SPTBN4: variants seen among roughly 807,000 people sequenced by gnomAD.
The protein encoded by SPTBN4 is spectrin beta chain, non-erythrocytic 4.
SPTBN4 carries 96 observed loss-of-function variants against 277.8 expected under a neutral mutation model. The ratio of observed to expected loss-of-function variants is 0.35; its 90% confidence interval spans 0.29 to 0.41. The LOEUF is 0.41. Among genes scored for constraint, SPTBN4 ranks in the 10% least tolerant of loss-of-function variants. The pLI is 1.00. For synonymous variants in SPTBN4, 1,481 were observed against 1,580.3 expected, an observed-to-expected ratio of 0.94 and a Z score of 1.49; for missense variants, 3,006 against 3,595.7, an observed-to-expected ratio of 0.84 and a Z score of 4.19.
chr19:40,560,566 A>T lies in SPTBN4; in HGVS notation c.5915+163A>T. The stretch of plus-strand genomic sequence containing the variant: ...TTCTAGGTGCTTCGTGTGTATTCAG[A>T]CCCCTTTTTTAGGCCTGTCATTGGG... On this transcript the variant is annotated intron_variant, in intron 27 of 35. Coordinates refer to ENST00000598249, the MANE Select transcript of SPTBN4 (RefSeq NM_020971.3). The surrounding 1 kb of genome is among the most constrained non-coding windows in gnomAD (Gnocchi z 5.2). The T allele has an allele frequency of 6.7e-7, 1 of 1,498,636 alleles. No individual in the cohort carries two copies. The highest frequency in any genetic ancestry group is 8.9e-7 in the Non-Finnish European group (1 of 1,128,132). 92.8% of individuals were successfully genotyped at this position (1,498,636 alleles called of 1,614,324 possible).
intron 20 of SPTBN4, among the ~76,000 whole-genome samples, chr19:40,537,530 G>T (rs2080752220): frequency 1.3e-5 from 2 of 152,220 alleles, no homozygotes; most frequent in Non-Finnish European, 2.9e-5. Context: ...TCCCCCAGGG[G>T]TTCCTTGGCC....
rs753128824 is a variant in SPTBN4, at chr19:40,513,567, A to G, written c.2765+13A>G. On this transcript the variant is annotated intron_variant, in intron 14 of 35. Coordinates refer to ENST00000598249, the MANE Select transcript of SPTBN4 (RefSeq NM_020971.3). ...TGGTGCAGCACCGGTGAGCGCGCAC[A>G]TGTGGGACTCCGGGGTCCCCTTCCT... is the stretch of plus-strand genomic sequence containing the variant. 6.5e-7 allele frequency: 1 copy of G among 1,537,558 alleles called. No homozygotes were observed. The highest frequency in any genetic ancestry group is 1.2e-5 in the South Asian group (1 of 84,848).
At chr19:40,557,763 C>T (rs1270994536) in intron 26 of SPTBN4, among the ~76,000 whole-genome samples, 4 of 151,810 alleles carry the variant, frequency 2.6e-5, no homozygotes, top group South Asian at 2.1e-4. Context: ...ACTAAAAATA[C>T]GAAAATTAGC....
rs2080329546 is a variant in SPTBN4, at chr19:40,506,305, C to A, written c.1735C>A (p.Leu579Met). The change falls in exon 13 of 36, where the codon CTG (leucine) becomes ATG (methionine). Residue 579 changes from leucine to methionine, a missense_variant. Transcript: ENST00000598249. ...EADDLLQKHG[L>M]LEGDIAAQSE... is the part of the protein sequence containing the mutation. ...AGACGACCTGTTGCAGAAGCATGGA[C>A]TGCTGGAGGGAGACATTGCCGCCCA... 6 of 1,614,072 alleles carry A rather than the reference C, an allele frequency of 3.7e-6. No individual in the cohort carries two copies. The East Asian group carries it at 1.3e-4, about 36-fold the overall frequency.
chr19:40,548,344 A>G (rs2080880208), intron 20 of SPTBN4, among the ~76,000 whole-genome samples: 1 of 152,108 alleles, frequency 6.6e-6, no homozygotes, highest in Admixed American at 6.6e-5. Context: ...AAAAAAAATT[A>G]GCAAGGCATG....
chr19:40,484,620 C>A (rs1159685709), intron 2 of SPTBN4, among the ~76,000 whole-genome samples: 1 of 152,020 alleles, frequency 6.6e-6, no homozygotes, highest in African/African-American at 2.4e-5. Context: ...CAGCAATTTT[C>A]TTTTTCTTTT....
chr19:40,543,739 CAT>C (rs2080825433), intron 20 of SPTBN4, among the ~76,000 whole-genome samples: 1 of 152,088 alleles, frequency 6.6e-6, no homozygotes, highest in Admixed American at 6.6e-5. Context: ...TTCAGTAAAA[CAT>C]AAAGTCTCAC....
Position 40,567,975 on chromosome 19 carries a change from AC to A in SPTBN4, c.6654del (p.Ala2219ArgfsTer225). ...GGCCGCACCAGAGGACGCGGCGGAG[AC>A]CCCCGCGACCCCCGCGGCGGCGGAG... ...LPAAPEDAAE[T>X]PATPAAAEQV... On this transcript the variant is annotated frameshift_variant, in exon 31 of 36. Coordinates refer to ENST00000598249, the MANE Select transcript of SPTBN4 (RefSeq NM_020971.3). LOFTEE classifies it high-confidence loss of function. 1 of 1,492,914 alleles carries A rather than the reference AC, an allele frequency of 6.7e-7. No homozygotes were observed. The highest frequency in any genetic ancestry group is 8.9e-7 in the Non-Finnish European group (1 of 1,127,928). The allele number at this position is 1,492,914 out of a possible 1,614,324, so 92.5% of individuals were successfully genotyped here. A position where few individuals can be genotyped will look rare whatever the true frequency, so the allele number is the denominator to read the frequency against.
In SPTBN4 at chr19:40,520,107, T is replaced by C; in HGVS notation, c.3610T>C (p.Phe1204Leu). The change falls in exon 16 of 36, where the codon TTC becomes CTC. Residue 1204 changes from phenylalanine (F) to leucine (L), a missense_variant. Transcript: ENST00000598249. ...ALVQAHIYQL[F>L]LRDLRQALVV... is the part of the protein sequence containing the mutation. Reference sequence around the variant, plus strand: ...GGTCCAGGCGCACATCTACCAGCTCTTCCTGCGGGATCTACGCCAGGCGCT... The same window carrying C: ...GGTCCAGGCGCACATCTACCAGCTCCTCCTGCGGGATCTACGCCAGGCGCT... 2 of 1,471,458 alleles carry C rather than the reference T, an allele frequency of 1.4e-6. No homozygotes were observed. The highest frequency in any genetic ancestry group is 1.8e-6 in the Non-Finnish European group (2 of 1,113,278). The allele number at this position is 1,471,458 out of a possible 1,614,324, so 91.2% of individuals were successfully genotyped here.
At chr19:40,526,985 G>T (rs968206829) in intron 17 of SPTBN4, among the ~76,000 whole-genome samples, 2 of 152,176 alleles carry the variant, frequency 1.3e-5, no homozygotes, top group Non-Finnish European at 2.9e-5. Context: ...TGGAAAGATT[G>T]ATTTCAGCTC....
intron 20 of SPTBN4, chr19:40,534,833 C>T (rs1665011023): frequency 5.9e-6 from 1 of 169,854 alleles, no homozygotes; most frequent in South Asian, 1.4e-4. Flanking sequence ...GCACCTGGCC[C>T]AAGGACACAC....
At chr19:40,472,940 A>G in intron 2 of SPTBN4, 150 bp downstream of exon 2, 1 of 778,244 alleles carries the variant, frequency 1.3e-6, no homozygotes, top group South Asian at 2.7e-5. Context: ...TCCATAATGT[A>G]CCATATAATA....
At chr19:40,497,142 C>G (rs768190225) in intron 6 of SPTBN4, among the ~76,000 whole-genome samples, 3 of 151,820 alleles carry the variant, frequency 2.0e-5, no homozygotes, top group Non-Finnish European at 4.4e-5. Context: ...TGTACACACT[C>G]GTATTGTCAT....
At position 40,491,713 on chromosome 19, in the gene SPTBN4, C is replaced by CAAAAAAAAAAAAA. The variant is rs35237688; in HGVS notation, c.496-1237_496-1225dup. Among the ~76,000 whole-genome samples, 70 of 38,798 alleles carry CAAAAAAAAAAAAA rather than the reference C, an allele frequency of 1.8e-3. 11 individuals are homozygous for CAAAAAAAAAAAAA. Among genetic ancestry groups the CAAAAAAAAAAAAA allele is most frequent in the African/African-American group, 7.7e-3 (59 of 7,630 alleles). The allele number at this position is 38,798 out of a possible 152,430, so 25.5% of individuals were successfully genotyped here. On this transcript the variant is annotated intron_variant, in intron 4 of 35. Coordinates refer to ENST00000598249, the MANE Select transcript of SPTBN4 (RefSeq NM_020971.3). ...TGGGTAATAGATAGAGACTCTGTCT[C>CAAAAAAAAAAAAA]AAAAAAAAAAAAAAAAAAAAAAAAA...
At chr19:40,530,459 G>A in intron 18 of SPTBN4, 1 of 972,386 alleles carries the variant, frequency 1.0e-6, no homozygotes, top group South Asian at 4.7e-5. Flanking sequence ...GCCGCCGCGC[G>A]GGGGCGAGGG....
At position 40,554,487 on chromosome 19, in the gene SPTBN4, G is replaced by C. The variant is rs971263712; in HGVS notation, c.4954-29G>C. 1.3e-6 allele frequency: 2 copies of C among 1,483,418 alleles called. No individual in the cohort carries two copies. The highest frequency in any genetic ancestry group is 2.4e-5 in the Admixed American group (1 of 41,434). 91.9% of individuals were successfully genotyped at this position (1,483,418 alleles called of 1,614,324 possible). On this transcript the variant is annotated intron_variant, in intron 23 of 35. Coordinates refer to ENST00000598249, the MANE Select transcript of SPTBN4 (RefSeq NM_020971.3). The surrounding 1 kb of genome is among the most constrained non-coding windows in gnomAD (Gnocchi z 5.7). ...GCTGGAGCCGGGGGCCGCCGCTGCCGCCTCATCGTGGGCGCTTTGTGCCCC... is the reference window on the plus strand; with the variant it reads ...GCTGGAGCCGGGGGCCGCCGCTGCCCCCTCATCGTGGGCGCTTTGTGCCCC...
chr19:40,471,846 C>T (rs968253345), intron 1 of SPTBN4, among the ~76,000 whole-genome samples: 1 of 151,856 alleles, frequency 6.6e-6, no homozygotes, highest in Non-Finnish European at 1.5e-5. Flanking sequence ...TCAAGCCATC[C>T]TCACACCTCA....
At chr19:40,531,464 G>GTTTTTTTTTTTTT (rs71173645) in intron 18 of SPTBN4, among the ~76,000 whole-genome samples, 1 of 40,930 alleles carries the variant, frequency 2.4e-5, no homozygotes, top group Non-Finnish European at 4.5e-5. Flanking sequence ...TCCAGTGTTT[G>GTTTTTTTTTTTTT]TTTTTTTTTT....
intron 2 of SPTBN4, among the ~76,000 whole-genome samples, chr19:40,486,190 C>A (rs1187155688): frequency 6.6e-6 from 1 of 151,908 alleles, no homozygotes; most frequent in Non-Finnish European, 1.5e-5. Context: ...ACTTGGGAGG[C>A]TGCGATGGGA....
Sources: allele counts gnomAD v4.1 joint callset (sites outside exome capture counted in the v4.1 genomes callset), GRCh38; gene constraint gnomAD v4.1.1; non-coding constraint Gnocchi (gnomAD v3.1); transcripts MANE v1.5; gene names NCBI Gene and HGNC (gene_info 2026-07-23, HGNC 2026-07-21).